Variants in ASXL2 observed in about 807,000 individuals in gnomAD.
ASXL2 encodes the protein putative Polycomb group protein ASXL2.
Under a neutral mutation model 122.0 loss-of-function variants are expected in ASXL2, and 23 were observed. The observed-to-expected ratio is 0.19, with a 90% confidence interval of 0.14 to 0.27. The LOEUF (loss-of-function observed/expected upper bound fraction) is 0.27. ASXL2 is among the 10% of genes least tolerant of loss of function. The pLI is 1.00. For missense variants in ASXL2, 1,518 were observed against 1,713.8 expected (o/e 0.89, Z 2.02); for synonymous variants, 650 against 637.0 (o/e 1.02, Z -0.31).
At chr2:25,770,943 A>G (rs1397304096) in intron 6 of ASXL2, among the ~76,000 whole-genome samples, 1 of 152,080 alleles carries the variant, frequency 6.6e-6, no homozygotes, top group Non-Finnish European at 1.5e-5. Context: ...ATGTGATAAA[A>G]AGAGTATCTA....
intron 1 of ASXL2, among the ~76,000 whole-genome samples, chr2:25,848,542 G>A (rs1371909110): frequency 6.6e-6 from 1 of 152,084 alleles, no homozygotes; most frequent in Non-Finnish European, 1.5e-5. Context: ...GAAATGGCGT[G>A]AACCCTGGAG....
In ASXL2 at chr2:25,736,672, CTTACA is replaced by C. The variant is rs2087741125; in HGVS notation, c.*5352_*5356del. ...GAAAAAAAAAAAAAGCCAATGTATC[CTTACA>C]TTAACTTCCAAAATATATTTTTTCT... On this transcript the variant is annotated 3_prime_UTR_variant, in exon 13 of 13. Transcript: ENST00000435504. The C allele has an allele frequency of 6.6e-6, 1 of 151,174 alleles. No homozygotes were observed. The highest frequency in any genetic ancestry group is 2.4e-5 in the African/African-American group (1 of 41,206). 9.4% of individuals were successfully genotyped at this position (151,174 alleles called of 1,614,324 possible).
intron 3 of ASXL2, chr2:25,810,418 G>A (rs1238102385): frequency 2.5e-5 from 17 of 689,312 alleles, no homozygotes; most frequent in South Asian, 8.7e-5. Context: ...AGCTTTTTCC[G>A]CTTCTTCCGG....
intron 6 of ASXL2, among the ~76,000 whole-genome samples, chr2:25,770,298 T>C (rs1234516176): frequency 6.6e-6 from 1 of 152,128 alleles, no homozygotes; most frequent in African/African-American, 2.4e-5. Context: ...AATCTCCACG[T>C]CCTGGGTTCA....
chr2:25,853,662 A>T (rs1574449392), intron 1 of ASXL2, among the ~76,000 whole-genome samples: 1 of 151,722 alleles, frequency 6.6e-6, no homozygotes, highest in Admixed American at 6.6e-5. Flanking sequence ...ACAGGGACTC[A>T]CTCTGTCGCC....
chr2:25,852,569 C>T (rs2149196572), intron 1 of ASXL2, among the ~76,000 whole-genome samples: 1 of 152,226 alleles, frequency 6.6e-6, no homozygotes, highest in Admixed American at 6.5e-5. Context: ...TGCCCAAAAG[C>T]TTTAATTAGG....
chr2:25,817,319 T>C (rs1169333578), intron 3 of ASXL2, among the ~76,000 whole-genome samples: 1 of 152,204 alleles, frequency 6.6e-6, no homozygotes, highest in Non-Finnish European at 1.5e-5. Flanking sequence ...TTCTACTTTT[T>C]TCAACTTTCA....
chr2:25,755,109 C>T (rs956520728), intron 10 of ASXL2, among the ~76,000 whole-genome samples: 1 of 152,146 alleles, frequency 6.6e-6, no homozygotes, highest in Non-Finnish European at 1.5e-5. Context: ...CTTTGGTATA[C>T]GACTTTTCAA....
chr2:25,773,021 CAA>C (rs1445196660), intron 5 of ASXL2, among the ~76,000 whole-genome samples: 2 of 151,376 alleles, frequency 1.3e-5, no homozygotes, highest in African/African-American at 4.9e-5. Context: ...CCAGCCTGAC[CAA>C]TATGGTGAAA....
intron 3 of ASXL2, among the ~76,000 whole-genome samples, chr2:25,820,787 C>G (rs924300837): frequency 6.6e-6 from 1 of 152,148 alleles, no homozygotes; most frequent in African/African-American, 2.4e-5. Context: ...CTTTGGGAGG[C>G]TGAGGTGGGA....
intron 1 of ASXL2, 87 bp downstream of exon 1, chr2:25,878,079 G>A: frequency 1.9e-6 from 3 of 1,544,636 alleles, no homozygotes; most frequent in Non-Finnish European, 2.7e-6. Flanking sequence ...CCGGGTCCCT[G>A]GGCCAGTGAC....
In ASXL2 at chr2:25,749,710, C is replaced by G; in HGVS notation, c.1846G>C (p.Val616Leu). 2.0e-6 allele frequency: 3 copies of G among 1,521,234 alleles called. No homozygotes were observed. Among genetic ancestry groups the G allele is most frequent in the Non-Finnish European group, 2.6e-6 (3 of 1,137,796 alleles). The allele number at this position is 1,521,234 out of a possible 1,614,324, so 94.2% of individuals were successfully genotyped here. Residue 616 changes from valine (V) to leucine (L), a missense_variant, in exon 12 of 13, where the codon GTA becomes CTA. Val to Leu is a conservative substitution (Grantham distance 32). Transcript: ENST00000435504. ...NRGDRIQVRK[V>L]PPLKIPVSRI... The stretch of plus-strand genomic sequence containing the variant: ...CATTCTCTTACCTTGAGAGGTGGTA[C>G]TTTTCGCACCTGGATTCTGTCCCCT...
At position 25,856,577 on chromosome 2, in the gene ASXL2, G is replaced by A. The variant is rs191349550; in HGVS notation, c.58-11014C>T. 3,162 of 1,170,526 alleles carry A rather than the reference G, an allele frequency of 2.7e-3. 6 individuals carry two copies. Among genetic ancestry groups the A allele is most frequent in the Non-Finnish European group, 3.5e-3 (2,742 of 784,124 alleles). The allele number at this position is 1,170,526 out of a possible 1,614,324, so 72.5% of individuals were successfully genotyped here. ...TCGCCAGACGCTCCAAGGGGTAGGG[G>A]GCGCCAGTCTTGATCTGTCCTGTGC... is the stretch of plus-strand genomic sequence containing the variant. On this transcript the variant is annotated intron_variant, in intron 1 of 12. Coordinates refer to ENST00000435504, the MANE Select transcript of ASXL2 (RefSeq NM_018263.6).
At chr2:25,800,928 G>T (rs1445657844) in intron 4 of ASXL2, among the ~76,000 whole-genome samples, 2 of 152,010 alleles carry the variant, frequency 1.3e-5, no homozygotes, top group Admixed American at 6.6e-5. Flanking sequence ...AGTGTTTGTG[G>T]TTTTTTGTTA....
Position 25,741,863 on chromosome 2 carries a change from TA to T in ASXL2, c.*165del. ...CTTACTATACAAGGTGCTCTTCCTC[TA>T]AAATGTAAAAAATCTGTACTTTGTA... On this transcript the variant is annotated 3_prime_UTR_variant, in exon 13 of 13. Transcript: ENST00000435504. 1.5e-6 allele frequency: 1 copy of T among 676,550 alleles called. No homozygotes were observed. The highest frequency in any genetic ancestry group is 2.4e-6 in the Non-Finnish European group (1 of 413,024). 41.9% of individuals were successfully genotyped at this position (676,550 alleles called of 1,614,324 possible).
At chr2:25,794,171 A>C (rs1370076605) in intron 5 of ASXL2, among the ~76,000 whole-genome samples, 1 of 152,236 alleles carries the variant, frequency 6.6e-6, no homozygotes, top group Non-Finnish European at 1.5e-5. Context: ...TCCTGATTTA[A>C]AGTAGTTCTG....
At chr2:25,807,752 C>T (rs979055215) in intron 3 of ASXL2, among the ~76,000 whole-genome samples, 1 of 151,954 alleles carries the variant, frequency 6.6e-6, no homozygotes, top group Non-Finnish European at 1.5e-5. Context: ...ACAGAAAATG[C>T]AGAAACAGAT....
intron 12 of ASXL2, among the ~76,000 whole-genome samples, chr2:25,747,438 G>C (rs1216830240): frequency 3.9e-5 from 6 of 152,078 alleles, no homozygotes; most frequent in Admixed American, 2.0e-4. Context: ...TTTGAGATAG[G>C]GTCTAAGAGA....
At chr2:25,764,314 T>A (rs1245326691) in intron 8 of ASXL2, among the ~76,000 whole-genome samples, 1 of 152,224 alleles carries the variant, frequency 6.6e-6, no homozygotes, top group Non-Finnish European at 1.5e-5. Context: ...CTGCATCACA[T>A]TCCAATGTAT....
Sources: allele counts gnomAD v4.1 joint callset (sites outside exome capture counted in the v4.1 genomes callset), GRCh38; gene constraint gnomAD v4.1.1; transcripts MANE v1.5; gene names NCBI Gene and HGNC (gene_info 2026-07-23, HGNC 2026-07-21).